MEGF6: variants seen among roughly 807,000 people sequenced by gnomAD.
MEGF6 encodes multiple EGF like domains 6.
In MEGF6, 184 loss-of-function variants were observed where a neutral mutation model predicts 207.1. The ratio of observed to expected loss-of-function variants is 0.89; its 90% CI spans 0.79 to 1.00. The LOEUF (loss-of-function observed/expected upper bound fraction) is 1.00, where lower values mean the gene tolerates loss of function less well. MEGF6 is among the 50% of genes least tolerant of loss of function. The probability of loss-of-function intolerance (pLI) is 0.00; values close to 1 mark genes in which losing one functional copy is unlikely to be tolerated. For synonymous variants in MEGF6, 1,038 were observed against 910.0 expected, an observed-to-expected ratio of 1.14 and a Z score of -2.53; for missense variants, 2,282 against 2,202.9, an observed-to-expected ratio of 1.04 and a Z score of -0.72.
chr1:3,604,311 C>T (rs1157237476), intron 1 of MEGF6, among the ~76,000 whole-genome samples: 1 of 152,164 alleles, frequency 6.6e-6, no homozygotes, highest in Non-Finnish European at 1.5e-5. Context: ...AGTCCAGGCC[C>T]AGGTGACTGC....
intron 3 of MEGF6, among the ~76,000 whole-genome samples, chr1:3,589,436 T>C (rs1217476341): frequency 6.6e-6 from 1 of 151,890 alleles, no homozygotes; most frequent in South Asian, 2.1e-4. Context: ...GCACCTTCTG[T>C]TCCCTACTCA....
chr1:3,536,052 G>T (rs768032572), intron 4 of MEGF6, among the ~76,000 whole-genome samples: 9 of 152,206 alleles, frequency 5.9e-5, no homozygotes, highest in Non-Finnish European at 1.3e-4. Context: ...TCGCACCCTG[G>T]CTCTGGCCGT....
At chr1:3,498,271 G>T in intron 26 of MEGF6, 100 bp downstream of exon 26, 1 of 1,403,594 alleles carries the variant, frequency 7.1e-7, no homozygotes, top group Non-Finnish European at 9.4e-7. Context: ...GTCCCCTGGT[G>T]AGGCCCCAAA....
intron 5 of MEGF6, among the ~76,000 whole-genome samples, chr1:3,518,443 G>T (rs1168848442): frequency 6.6e-6 from 1 of 152,178 alleles, no homozygotes; most frequent in Non-Finnish European, 1.5e-5. Context: ...AAGGTAAAGG[G>T]GCCTCCTTCC....
rs147731553 is a variant in MEGF6 at position 3,515,651 on chromosome 1, A to C, written c.605-124T>G. On this transcript the variant is annotated intron_variant, in intron 5 of 36. Transcript: ENST00000356575. ...TCCTGCTGTAGGACCCCTCCCAGCCACTCCGAGCCCCTCCGCCTTTTCATC... is the reference window on the plus strand; with the variant it reads ...TCCTGCTGTAGGACCCCTCCCAGCCCCTCCGAGCCCCTCCGCCTTTTCATC... 1.5e-3 allele frequency: 1,737 copies of C among 1,176,786 alleles called. 24 individuals are homozygous for C. The East Asian group carries it at 0.026, about 17-fold the overall frequency. The allele number at this position is 1,176,786 out of a possible 1,614,324, so 72.9% of individuals were successfully genotyped here.
intron 4 of MEGF6, among the ~76,000 whole-genome samples, chr1:3,554,714 G>A (rs1642984567): frequency 6.6e-6 from 1 of 152,192 alleles, no homozygotes; most frequent in South Asian, 2.1e-4. Flanking sequence ...CCTCTCCTGT[G>A]CCAGCCTCTC....
chr1:3,505,056 AGGCAACACCG>A, intron 17 of MEGF6, 142 bp downstream of exon 17: 2 of 1,111,236 alleles, frequency 1.8e-6, no homozygotes, highest in Non-Finnish European at 2.6e-6. Flanking sequence ...ACCGGTAGCA[AGGCAACACCG>A]GTAGCAAGGC....
At chr1:3,536,306 T>C (rs1388202988) in intron 4 of MEGF6, among the ~76,000 whole-genome samples, 3 of 152,024 alleles carry the variant, frequency 2.0e-5, no homozygotes, top group African/African-American at 7.2e-5. Flanking sequence ...AACAACGATG[T>C]GTGTGCCCAC....
chr1:3,500,848 A>C (rs1640829160), intron 20 of MEGF6, 84 bp from the exon 21 acceptor site: 2 of 1,593,474 alleles, frequency 1.3e-6, no homozygotes, highest in Non-Finnish European at 1.7e-6. Flanking sequence ...GGGGCGTCTC[A>C]GGACTGGGGC....
chr1:3,493,925 C>T (rs1428050629), intron 33 of MEGF6, 26 bp from the exon 34 acceptor site: 1 of 1,583,358 alleles, frequency 6.3e-7, no homozygotes, highest in Non-Finnish European at 8.6e-7. Context: ...GGCTCAGTGT[C>T]CCCCTCCTGT....
At chr1:3,499,987 C>A in intron 21 of MEGF6, 63 bp from the exon 22 acceptor site, 1 of 1,490,514 alleles carries the variant, frequency 6.7e-7, no homozygotes, top group East Asian at 2.5e-5. Flanking sequence ...CAGCCGTGCC[C>A]GGGCCTTGCC....
chr1:3,531,571 G>C (rs1490780133), intron 4 of MEGF6: 4 of 888,130 alleles, frequency 4.5e-6, no homozygotes, highest in Non-Finnish European at 5.4e-6. Context: ...CCCGCCCCGC[G>C]CATTCCAGCG....
At chr1:3,610,784 C>G (rs984289283) in intron 1 of MEGF6, among the ~76,000 whole-genome samples, 2 of 152,240 alleles carry the variant, frequency 1.3e-5, no homozygotes, top group African/African-American at 4.8e-5. Context: ...AGACGGCTTC[C>G]TCTCTGCCTT....
intron 5 of MEGF6, among the ~76,000 whole-genome samples, chr1:3,516,326 G>A (rs935484193): frequency 6.6e-6 from 1 of 152,230 alleles, no homozygotes; most frequent in Admixed American, 6.5e-5. Context: ...GCCCCTCAGC[G>A]GGGGTTTGGT....
intron 4 of MEGF6, among the ~76,000 whole-genome samples, chr1:3,572,284 C>CT (rs1157021528): frequency 3.1e-5 from 4 of 128,844 alleles, no homozygotes; most frequent in East Asian, 5.5e-4. Context: ...GTGCTGGGTC[C>CT]TCCTGGGTGT....
chr1:3,539,962 G>A (rs1168946393), intron 4 of MEGF6, among the ~76,000 whole-genome samples: 1 of 152,082 alleles, frequency 6.6e-6, no homozygotes, highest in Non-Finnish European at 1.5e-5. Context: ...GTCCAGCATC[G>A]AGGCTGGGAT....
chr1:3,590,992 C>G (rs1288325024), intron 3 of MEGF6, among the ~76,000 whole-genome samples: 4 of 152,144 alleles, frequency 2.6e-5, no homozygotes, highest in Non-Finnish European at 5.9e-5. Context: ...GCCCCAGTGC[C>G]CACAGGCACA....
At chr1:3,609,491 G>C (rs895216705) in intron 1 of MEGF6, among the ~76,000 whole-genome samples, 1 of 152,224 alleles carries the variant, frequency 6.6e-6, no homozygotes, top group African/African-American at 2.4e-5. Context: ...GCCTCCAGTG[G>C]ATACGCCTGC....
intron 34 of MEGF6, 30 bp downstream of exon 34, chr1:3,493,741 C>A (rs72852465): frequency 3.7e-6 from 6 of 1,604,576 alleles, no homozygotes; most frequent in South Asian, 1.1e-5. Flanking sequence ...CCCACACCCA[C>A]GCCCTTCCTG....
Sources: allele counts gnomAD v4.1 joint callset (sites outside exome capture counted in the v4.1 genomes callset), GRCh38; gene constraint gnomAD v4.1.1; transcripts MANE v1.5; gene names NCBI Gene and HGNC (gene_info 2026-07-23, HGNC 2026-07-21).